The following ENKUR variants were observed in gnomAD, a reference collection of about 807,000 sequenced individuals.
ENKUR encodes enkurin.
Under a neutral mutation model 27.6 loss-of-function variants are expected in ENKUR, and 19 were observed. The observed-to-expected ratio is 0.69, with a 90% CI of 0.48 to 1.01. ENKUR has a LOEUF of 1.01. ENKUR is among the 50% of genes least tolerant of loss of function. ENKUR has a pLI of 0.00. For missense variants in ENKUR, 312 were observed against 310.5 expected (o/e 1.00, Z -0.04); for synonymous variants, 117 against 96.9 (o/e 1.21, Z -1.22).
At chr10:25,060,982 G>T in intron 2 of ENKUR, 1 of 772,906 alleles carries the variant, frequency 1.3e-6, no homozygotes, top group Non-Finnish European at 2.1e-6. Context: ...CCAAAGTGTT[G>T]GGACTACAGG....
In ENKUR at chr10:24,984,195, G is replaced by T; in HGVS notation, c.*175C>A. On this transcript the variant is annotated 3_prime_UTR_variant, in exon 6 of 6. Coordinates refer to ENST00000331161, the MANE Select transcript of ENKUR (RefSeq NM_145010.4). The stretch of plus-strand genomic sequence containing the variant: ...CATCATATACAGTGTTACGAATACT[G>T]AAAATATTTCTCACTGGGAATAACT... The T allele has an allele frequency of 4.7e-6, 3 of 642,798 alleles. No homozygotes were observed. The highest frequency in any genetic ancestry group is 7.5e-6 in the Non-Finnish European group (3 of 399,358). The allele number at this position is 642,798 out of a possible 1,614,324, so 39.8% of individuals were successfully genotyped here.
At position 24,984,894 on chromosome 10, in the gene ENKUR, C is replaced by T. The variant is rs747201354; in HGVS notation, c.606G>A (p.Lys202=). 1.1e-5 allele frequency: 17 copies of T among 1,611,388 alleles called. No individual in the cohort carries two copies. The Admixed American group carries it at 2.9e-4, about 27-fold the overall frequency. The change falls in exon 5 of 6, where the codon AAG becomes AAA. Residue 202 remains lysine, a synonymous_variant. Transcript: ENST00000331161. The part of the protein sequence containing the change: ...EREAVLQGLK[K]NWEEVHKEFQ... Reference sequence around the variant, plus strand: ...ATTCTTTATGCACCTCTTCCCAGTTCTTTTTCAGCCCCTGCAAATGGTCAA... The same window carrying T: ...ATTCTTTATGCACCTCTTCCCAGTTTTTTTTCAGCCCCTGCAAATGGTCAA...
intron 2 of ENKUR, among the ~76,000 whole-genome samples, chr10:25,054,392 A>G (rs1851223285): frequency 6.6e-6 from 1 of 152,216 alleles, no homozygotes; most frequent in South Asian, 2.1e-4. Flanking sequence ...ATTGCATTAC[A>G]GCTTGGGCAA....
At chr10:25,003,103 T>C (rs1007408140) in intron 1 of ENKUR, among the ~76,000 whole-genome samples, 2 of 152,108 alleles carry the variant, frequency 1.3e-5, no homozygotes, top group Non-Finnish European at 2.9e-5. Context: ...TTAAAATCTA[T>C]GTCTCCTCCA....
intron 2 of ENKUR, chr10:25,024,331 T>C: frequency 6.2e-7 from 1 of 1,614,204 alleles, no homozygotes; most frequent in East Asian, 2.2e-5. Flanking sequence ...CCCACCAAGT[T>C]GCAATTATAT....
chr10:24,987,649 G>A (rs1001276747), intron 4 of ENKUR, among the ~76,000 whole-genome samples: 1 of 152,018 alleles, frequency 6.6e-6, no homozygotes, highest in African/African-American at 2.4e-5. Context: ...GTGTGCCTTC[G>A]ATTTCCTGCT....
At chr10:25,048,396 A>G (rs891868089) in intron 2 of ENKUR, among the ~76,000 whole-genome samples, 3 of 152,106 alleles carry the variant, frequency 2.0e-5, no homozygotes, top group African/African-American at 7.2e-5. Flanking sequence ...TTCAAGTCCA[A>G]GATGTTCACA....
chr10:24,984,686 GT>G (rs751870867), intron 5 of ENKUR, 49 bp downstream of exon 5: 65 of 1,502,618 alleles, frequency 4.3e-5, no homozygotes, highest in African/African-American at 2.1e-4. Context: ...TATTTTCCAT[GT>G]TTTTTTCCCC....
chr10:25,011,464 G>A lies in ENKUR; in HGVS notation c.77+4396C>T, dbSNP rs368978442. Reference sequence around the variant, plus strand: ...CTAGTTTAATTAGATACAAACCTGAGAAAAACAAGCAATAGGGAAAGGATT... The same window carrying A: ...CTAGTTTAATTAGATACAAACCTGAAAAAAACAAGCAATAGGGAAAGGATT... On this transcript the variant is annotated intron_variant, in intron 1 of 5. Coordinates refer to ENST00000331161, the MANE Select transcript of ENKUR (RefSeq NM_145010.4). Among the ~76,000 whole-genome samples, 41 of 152,178 alleles carry A rather than the reference G, an allele frequency of 2.7e-4. No individual in the cohort carries two copies. In the East Asian group the frequency reaches 5.8e-3, roughly 22 times the overall value.
chr10:24,995,022 A>G (rs1850015417), intron 3 of ENKUR, among the ~76,000 whole-genome samples: 1 of 151,328 alleles, frequency 6.6e-6, no homozygotes, highest in African/African-American at 2.4e-5. Flanking sequence ...ATATGTCTCA[A>G]AAAAAATCTA....
intron 1 of ENKUR, among the ~76,000 whole-genome samples, chr10:25,013,471 T>G (rs1367940501): frequency 6.6e-6 from 1 of 152,252 alleles, no homozygotes; most frequent in Non-Finnish European, 1.5e-5. Flanking sequence ...AGCCAATAGT[T>G]GGACATGACT....
At chr10:25,020,200 C>T (rs1353432469), upstream of ENKUR, among the ~76,000 whole-genome samples, 2 of 150,400 alleles carry the variant, frequency 1.3e-5, no homozygotes, top group African/African-American at 5.0e-5. Context: ...AATATTGATA[C>T]AGAATTTACA....
Position 25,023,393 on chromosome 10 carries a change from A to G in ENKUR, c.38-27524T>C, listed in dbSNP as rs138626470. 7.4e-6 allele frequency: 12 copies of G among 1,614,178 alleles called. No homozygotes were observed. The East Asian group carries it at 1.1e-4, about 15-fold the overall frequency. ...ACCCACTCTCTTGTTGGAGACAAAAATATTATCCTGATGGGACCTCCTGGT... is the reference window on the plus strand; with the variant it reads ...ACCCACTCTCTTGTTGGAGACAAAAGTATTATCCTGATGGGACCTCCTGGT... On this transcript the variant is annotated intron_variant, in intron 2 of 5. Transcript: ENST00000615958.
intron 2 of ENKUR, chr10:25,025,293 T>C (rs1452451375): frequency 6.2e-7 from 1 of 1,614,198 alleles, no homozygotes; most frequent in Admixed American, 1.7e-5. Flanking sequence ...CTTCATCAAG[T>C]CAGCTCTATT....
intron 2 of ENKUR, among the ~76,000 whole-genome samples, chr10:25,037,852 T>C (rs764874243): frequency 7.9e-4 from 121 of 152,332 alleles, no homozygotes; most frequent in South Asian, 2.9e-3. Context: ...TTATGACTCC[T>C]CTCTGGTTAA....
chr10:25,001,280 A>G (rs1375487756), intron 1 of ENKUR, among the ~76,000 whole-genome samples: 2 of 151,416 alleles, frequency 1.3e-5, no homozygotes, highest in South Asian at 2.1e-4. Context: ...CTTCTTCTAT[A>G]TAATTTTTCT....
At chr10:25,007,519 C>T (rs1362562792) in intron 1 of ENKUR, among the ~76,000 whole-genome samples, 1 of 152,200 alleles carries the variant, frequency 6.6e-6, no homozygotes, top group Non-Finnish European at 1.5e-5. Context: ...ACTGCAAGCT[C>T]CGCCTCCCGG....
chr10:25,005,549 C>T (rs982016408), intron 1 of ENKUR, among the ~76,000 whole-genome samples: 1 of 152,118 alleles, frequency 6.6e-6, no homozygotes, highest in Admixed American at 6.5e-5. Flanking sequence ...TGCAGCATTA[C>T]ACTATCGTGT....
intron 2 of ENKUR, among the ~76,000 whole-genome samples, chr10:25,053,077 T>TAA (rs35496731): frequency 6.4e-5 from 9 of 140,336 alleles, no homozygotes; most frequent in Non-Finnish European, 9.3e-5. Flanking sequence ...CTTGTCTCTT[T>TAA]AAAAAAAAAA....
Sources: allele counts gnomAD v4.1 joint callset (sites outside exome capture counted in the v4.1 genomes callset), GRCh38; gene constraint gnomAD v4.1.1; transcripts MANE v1.5; gene names NCBI Gene and HGNC (gene_info 2026-07-23, HGNC 2026-07-21).